The following TRIQK variants were observed in gnomAD, a reference collection of about 807,000 sequenced individuals.
TRIQK encodes triple QxxK/R motif-containing protein.
Under a neutral mutation model 10.8 loss-of-function variants are expected in TRIQK, and 10 were observed. The observed-to-expected ratio is 0.92, with a 90% CI of 0.57 to 1.57. The LOEUF is 1.57. Ranked by LOEUF, TRIQK falls within the 40% of genes most tolerant of loss-of-function variation. The pLI is 0.00. For missense variants in TRIQK, 107 were observed against 97.7 expected (o/e 1.09, Z -0.40); for synonymous variants, 33 against 33.7 (o/e 0.98, Z 0.07).
At chr8:92,896,263 C>G (rs1808591316) in intron 3 of TRIQK, among the ~76,000 whole-genome samples, 1 of 152,162 alleles carries the variant, frequency 6.6e-6, no homozygotes, top group Non-Finnish European at 1.5e-5. Flanking sequence ...TCCGGGGACA[C>G]AAGGGATAAG....
At chr8:92,977,460 C>A (rs1400445041) in intron 1 of TRIQK, among the ~76,000 whole-genome samples, 1 of 151,926 alleles carries the variant, frequency 6.6e-6, no homozygotes, top group Non-Finnish European at 1.5e-5. Context: ...CCATCTAGTA[C>A]ATTTTTAATC....
chr8:92,997,516 GCAACT>G (rs1813164643), intron 1 of TRIQK, among the ~76,000 whole-genome samples: 1 of 152,050 alleles, frequency 6.6e-6, no homozygotes, highest in Non-Finnish European at 1.5e-5. Context: ...CATTTTAAAT[GCAACT>G]CAATTTCTGT....
At chr8:92,905,221 T>C (rs1809191514) in intron 3 of TRIQK, among the ~76,000 whole-genome samples, 1 of 151,926 alleles carries the variant, frequency 6.6e-6, no homozygotes, top group East Asian at 1.9e-4. Context: ...TACCAGTATA[T>C]AGAAATAATG....
At chr8:92,897,169 A>T (rs769703024) in intron 3 of TRIQK, among the ~76,000 whole-genome samples, 11 of 152,138 alleles carry the variant, frequency 7.2e-5, no homozygotes, top group Admixed American at 2.6e-4. Context: ...AGGCTCACAG[A>T]TGGAGAGGAA....
At chr8:92,954,885 G>C (rs1812092995) in intron 1 of TRIQK, among the ~76,000 whole-genome samples, 1 of 151,736 alleles carries the variant, frequency 6.6e-6, no homozygotes, top group Non-Finnish European at 1.5e-5. Context: ...TACTTCCACT[G>C]TTTTCTAAAG....
chr8:93,015,118 T>G (rs1813371963), intron 1 of TRIQK, among the ~76,000 whole-genome samples: 1 of 151,980 alleles, frequency 6.6e-6, no homozygotes, highest in Non-Finnish European at 1.5e-5. Context: ...AACAACATTT[T>G]ATTAAAATTT....
intron 1 of TRIQK, among the ~76,000 whole-genome samples, chr8:92,982,423 A>G (rs1240560309): frequency 1.3e-5 from 2 of 152,026 alleles, no homozygotes; most frequent in Non-Finnish European, 2.9e-5. Flanking sequence ...AAAACTCAAT[A>G]AAGTATTTTG....
chr8:92,908,910 C>T lies in TRIQK; in HGVS notation c.61+8019G>A, dbSNP rs536566109. ...TTCAACATTTTTAGAATAAATCTCA[C>T]CAAATGCTTCCAATCCCTCCTCCCT... is the stretch of plus-strand genomic sequence containing the variant. On this transcript the variant is annotated intron_variant, in intron 3 of 4. Coordinates refer to ENST00000521988, the MANE Select transcript of TRIQK (RefSeq NM_001171797.2). Among the ~76,000 whole-genome samples the T allele has an allele frequency of 1.7e-3, 262 of 151,996 alleles. 2 individuals are homozygous for T. Among genetic ancestry groups the T allele is most frequent in the African/African-American group, 5.9e-3 (246 of 41,516 alleles).
At chr8:93,015,169 A>G (rs954252767) in intron 1 of TRIQK, among the ~76,000 whole-genome samples, 2 of 151,570 alleles carry the variant, frequency 1.3e-5, no homozygotes, top group African/African-American at 4.9e-5. Context: ...TAATATATAA[A>G]GATAGTTTTC....
At chr8:92,999,140 C>T (rs190258096) in intron 1 of TRIQK, among the ~76,000 whole-genome samples, 2 of 152,212 alleles carry the variant, frequency 1.3e-5, no homozygotes, top group Admixed American at 6.5e-5. Context: ...CAGGTTGTTC[C>T]AGGCTAATAT....
intron 2 of TRIQK, among the ~76,000 whole-genome samples, chr8:92,940,094 C>T (rs192667060): frequency 9.2e-5 from 14 of 152,184 alleles, no homozygotes; most frequent in African/African-American, 1.9e-4. Flanking sequence ...GACATCACAG[C>T]GAAGGTAGTG....
At chr8:92,910,310 A>G (rs1404723264) in intron 3 of TRIQK, among the ~76,000 whole-genome samples, 1 of 151,300 alleles carries the variant, frequency 6.6e-6, no homozygotes, top group African/African-American at 2.4e-5. Flanking sequence ...TAAGTCAACT[A>G]TGAAAACTTG....
intron 1 of TRIQK, among the ~76,000 whole-genome samples, chr8:93,012,742 C>G (rs777992490): frequency 6.6e-6 from 1 of 152,128 alleles, no homozygotes; most frequent in African/African-American, 2.4e-5. Context: ...GGTTTGTTTT[C>G]TTACTAAACC....
Position 92,891,966 on chromosome 8 carries a change from A to G in TRIQK, c.147+23T>C, listed in dbSNP as rs1454416899. The G allele has an allele frequency of 2.7e-6, 4 of 1,500,654 alleles. No individual in the cohort carries two copies. The African/African-American group carries it at 5.6e-5, about 21-fold the overall frequency. The allele number at this position is 1,500,654 out of a possible 1,614,324, so 93.0% of individuals were successfully genotyped here. A position where few individuals can be genotyped will look rare whatever the true frequency, so the allele number is the denominator to read the frequency against. ...AAATGGCATGCACATATCAAATTTTAAAGTTATCAAATAGAGGTTTACCTT... is the reference window on the plus strand; with the variant it reads ...AAATGGCATGCACATATCAAATTTTGAAGTTATCAAATAGAGGTTTACCTT... On this transcript the variant is annotated intron_variant, in intron 4 of 4. Coordinates refer to ENST00000521988, the MANE Select transcript of TRIQK (RefSeq NM_001171797.2).
intron 2 of TRIQK, among the ~76,000 whole-genome samples, chr8:92,923,684 T>A (rs1810299066): frequency 6.6e-6 from 1 of 151,908 alleles, no homozygotes; most frequent in African/African-American, 2.4e-5. Context: ...TTAATTTTTA[T>A]CTAATTAAAC....
chr8:92,983,988 G>A (rs944692725), intron 1 of TRIQK, among the ~76,000 whole-genome samples: 1 of 152,012 alleles, frequency 6.6e-6, no homozygotes, highest in Non-Finnish European at 1.5e-5. Flanking sequence ...AAGTCACTCC[G>A]ACCTCTCCAA....
At chr8:92,892,881 A>T in intron 3 of TRIQK, among the ~76,000 whole-genome samples, 1 of 151,944 alleles carries the variant, frequency 6.6e-6, no homozygotes, top group East Asian at 1.9e-4. Flanking sequence ...CATTACAATG[A>T]TATACTTTTT....
intron 1 of TRIQK, among the ~76,000 whole-genome samples, chr8:93,004,017 C>A (rs1299707629): frequency 6.6e-6 from 1 of 152,178 alleles, no homozygotes; most frequent in Admixed American, 6.5e-5. Context: ...GTGGCTTTTC[C>A]AGGTGCACAG....
chr8:92,937,265 G>C (rs995626696), intron 2 of TRIQK, among the ~76,000 whole-genome samples: 1 of 151,502 alleles, frequency 6.6e-6, no homozygotes, highest in African/African-American at 2.4e-5. Context: ...AAAATCAATA[G>C]TCAATATTAT....
Sources: gnomAD v4.1 joint callset for allele counts (sites outside exome capture counted in the v4.1 genomes callset) on GRCh38, gnomAD v4.1.1 for gene constraint, MANE v1.5 for transcripts, NCBI Gene and HGNC (gene_info 2026-07-23, HGNC 2026-07-21) for gene names.